The following DNAJC13 variants were observed in gnomAD, a reference collection of about 807,000 sequenced individuals.
DNAJC13 encodes the protein DnaJ heat shock protein family (Hsp40) member C13.
A neutral mutation model predicts 290.5 loss-of-function variants in DNAJC13; 75 were observed. That is an observed-to-expected ratio of 0.26 (90% CI 0.21 to 0.31). DNAJC13 has a LOEUF of 0.31. Ranked by LOEUF, DNAJC13 falls within the 10% of genes least tolerant of loss-of-function variation. The probability of loss-of-function intolerance (pLI) is 1.00; values close to 1 mark genes in which losing one functional copy is unlikely to be tolerated. For synonymous variants in DNAJC13, 862 were observed against 892.0 expected, an observed-to-expected ratio of 0.97 and a Z score of 0.60; for missense variants, 2,260 against 2,674.5, an observed-to-expected ratio of 0.85 and a Z score of 3.42.
chr3:132,470,999 C>A (rs113630949), intron 20 of DNAJC13, among the ~76,000 whole-genome samples: 37 of 129,142 alleles, frequency 2.9e-4, no homozygotes, highest in African/African-American at 9.2e-4. Context: ...CCGGACGGGG[C>A]GGCTGGCCGG....
chr3:132,480,516 A>T (rs1934632906), intron 26 of DNAJC13, 46 bp downstream of exon 26: 3 of 1,378,582 alleles, frequency 2.2e-6, no homozygotes, highest in Non-Finnish European at 3.1e-6. Flanking sequence ...TTCTTTGAGT[A>T]TAATTTTAGA....
Position 132,528,352 on chromosome 3 carries a change from A to G in DNAJC13, c.6525+20A>G, listed in dbSNP as rs766116542. On this transcript the variant is annotated intron_variant, in intron 54 of 55. Transcript: ENST00000260818. ...GAACAGGTGAGTCTGCATAGAGTCAACTTTTGATATTCTAAAAGCCAGGGT... is the reference window on the plus strand; with the variant it reads ...GAACAGGTGAGTCTGCATAGAGTCAGCTTTTGATATTCTAAAAGCCAGGGT... 1.9e-6 allele frequency: 3 copies of G among 1,612,214 alleles called. No homozygotes were observed. Among genetic ancestry groups the G allele is most frequent in the South Asian group, 1.1e-5 (1 of 90,852 alleles).
At chr3:132,478,232 CATT>C in intron 24 of DNAJC13, 92 bp downstream of exon 24, 1 of 1,090,016 alleles carries the variant, frequency 9.2e-7, no homozygotes, top group Non-Finnish European at 1.3e-6. Context: ...TGTTTGATCA[CATT>C]ATTACTGTAA....
chr3:132,514,901 A>T, intron 46 of DNAJC13: 2 of 149,226 alleles, frequency 1.3e-5, no homozygotes, highest in Non-Finnish European at 2.4e-5. Context: ...AAGGAAAATA[A>T]CCTGGGATTT....
intron 46 of DNAJC13, among the ~76,000 whole-genome samples, chr3:132,516,040 A>G (rs1056038258): frequency 6.6e-6 from 1 of 152,206 alleles, no homozygotes; most frequent in African/African-American, 2.4e-5. Context: ...TTCCCTCAAG[A>G]CAGTAGCACC....
chr3:132,451,992 C>T (rs1933430537), intron 6 of DNAJC13, among the ~76,000 whole-genome samples: 1 of 152,112 alleles, frequency 6.6e-6, no homozygotes, highest in South Asian at 2.1e-4. Flanking sequence ...AGATGAAGGC[C>T]CTTCTCCCAG....
Position 132,523,643 on chromosome 3 carries a change from G to T in DNAJC13, c.5990G>T (p.Arg1997Ile), listed in dbSNP as rs751262477. The stretch of plus-strand genomic sequence containing the variant: ...ATTGCACAACCAGCCTGGGTTCTAA[G>T]AAAGCCTAGAGAATTTCTTATTGCC... Reference protein sequence around the residue: ...IFIAQPAWVLRKPREFLIALL... With the variant: ...IFIAQPAWVLIKPREFLIALL... The change falls in exon 51 of 56, where the codon AGA (arginine) becomes ATA (isoleucine). Residue 1997 changes from arginine (R) to isoleucine (I), a missense_variant. Around this residue, in one of 3 missense-constraint regions of DNAJC13, gnomAD observed 1,494 missense variants for 1,693.7 expected, o/e 0.88. Coordinates refer to ENST00000260818, the MANE Select transcript of DNAJC13 (RefSeq NM_015268.4). 3.1e-6 allele frequency: 5 copies of T among 1,613,964 alleles called. No individual in the cohort carries two copies. In the African/African-American group the frequency reaches 5.3e-5, roughly 17 times the overall value.
chr3:132,460,431 G>T, intron 14 of DNAJC13, 74 bp downstream of exon 14: 6 of 1,056,484 alleles, frequency 5.7e-6, no homozygotes, highest in East Asian at 2.6e-5. Context: ...AGTGCCACGT[G>T]GATGATTTTT....
intron 23 of DNAJC13, 35 bp from the exon 24 acceptor site, chr3:132,477,946 T>C: frequency 1.9e-6 from 3 of 1,601,950 alleles, no homozygotes; most frequent in South Asian, 2.3e-5. Context: ...GTTTCATGGC[T>C]ATTTCTATTG....
chr3:132,450,561 G>A (rs963520771), intron 5 of DNAJC13, 86 bp from the exon 6 acceptor site: 11 of 930,716 alleles, frequency 1.2e-5, no homozygotes, highest in African/African-American at 5.0e-5. Flanking sequence ...ATTTTTGGTC[G>A]TTTCAATAGT....
chr3:132,461,577 GGTACATTTTGAGT>G (rs1430291524), intron 15 of DNAJC13, among the ~76,000 whole-genome samples: 1 of 152,138 alleles, frequency 6.6e-6, no homozygotes, highest in Non-Finnish European at 1.5e-5. Context: ...TTATCATATT[GGTACATTTTGAGT>G]GTACAGATTT....
At position 132,424,907 on chromosome 3, in the gene DNAJC13, T is replaced by A. The variant is rs376064355; in HGVS notation, c.-14+7147T>A. On this transcript the variant is annotated intron_variant, in intron 1 of 55. Coordinates refer to ENST00000260818, the MANE Select transcript of DNAJC13 (RefSeq NM_015268.4). ...TGCTTTTACCTGTACTTGAGTCATA[T>A]ATTAAAATGAAGCTAAAATTTAAAA... Among the ~76,000 whole-genome samples the A allele has an allele frequency of 5.9e-5, 9 of 152,268 alleles. No homozygotes were observed. The East Asian group carries it at 9.6e-4, about 16-fold the overall frequency.
chr3:132,455,372 T>G (rs1250193524), intron 9 of DNAJC13, among the ~76,000 whole-genome samples: 3 of 152,166 alleles, frequency 2.0e-5, no homozygotes, highest in African/African-American at 7.2e-5. Context: ...AGAAAAGAAC[T>G]CTCATACATT....
In DNAJC13 at chr3:132,507,247, A is replaced by G. The variant is rs761355544; in HGVS notation, c.5009A>G (p.Asp1670Gly). The G allele has an allele frequency of 5.6e-6, 9 of 1,608,322 alleles. No homozygotes were observed. The East Asian group carries it at 2.0e-4, about 36-fold the overall frequency. Residue 1670 changes from aspartate to glycine, a missense_variant, in exon 43 of 56, where the codon GAC becomes GGC. Asp to Gly is a moderately conservative substitution (Grantham distance 94). Around this residue, in one of 3 missense-constraint regions of DNAJC13, gnomAD observed 1,494 missense variants for 1,693.7 expected, o/e 0.88. Transcript: ENST00000260818. ...TCATCTTTTAAAAAGGGTGATTGTG[A>G]CAAAACTTATGGATCAGAATTTGTC... ...QENMIKKGDCDKTYGSEFVYS... is the reference protein window; with the variant it reads ...QENMIKKGDCGKTYGSEFVYS...
rs747402113 is a variant in DNAJC13 at position 132,456,697 on chromosome 3, A to G, written c.1214A>G (p.Asn405Ser). Residue 405 changes from asparagine (N) to serine (S), a missense_variant, in exon 12 of 56, where the codon AAT (asparagine) becomes AGT (serine). Asn to Ser is a conservative substitution (Grantham distance 46, BLOSUM62 1). This residue lies in a region of DNAJC13 where 762 missense variants were observed against 964.1 expected (regional missense o/e 0.79). Coordinates refer to ENST00000260818, the MANE Select transcript of DNAJC13 (RefSeq NM_015268.4). ...TCAGAAAACAAAGAAAAACTGATCAATAATGCCATAACAGCATTACTGTCC... is the reference window on the plus strand; with the variant it reads ...TCAGAAAACAAAGAAAAACTGATCAGTAATGCCATAACAGCATTACTGTCC... ...LFSENKEKLI[N>S]NAITALLSQE... 34 of 1,614,002 alleles carry G rather than the reference A, an allele frequency of 2.1e-5. No homozygotes were observed. The Admixed American group carries it at 2.2e-4, about 10-fold the overall frequency.
At chr3:132,523,327 T>C in intron 50 of DNAJC13, 128 bp downstream of exon 50, 1 of 1,257,968 alleles carries the variant, frequency 7.9e-7, no homozygotes, top group Non-Finnish European at 1.1e-6. Flanking sequence ...CCCTGGAAAA[T>C]AAGGCTTCAA....
In DNAJC13 at chr3:132,472,514, TTTA is replaced by T. The variant is rs1210708845; in HGVS notation, c.2209-628_2209-626del. On this transcript the variant is annotated intron_variant, in intron 20 of 55. Transcript: ENST00000260818. ...TTAGCAGATCTAGGCTCATTCTCTT[TTTA>T]TTTTCTTTAACTTTTTTTCCTTTTT... The T allele has an allele frequency of 3.1e-6, 3 of 967,958 alleles. No homozygotes were observed. The African/African-American group carries it at 5.3e-5, about 17-fold the overall frequency. 60.0% of individuals were successfully genotyped at this position (967,958 alleles called of 1,614,324 possible). A position where few individuals can be genotyped will look rare whatever the true frequency, so the allele number is the denominator to read the frequency against.
chr3:132,480,506 T>C (rs572814230), intron 26 of DNAJC13, 36 bp downstream of exon 26: 10 of 1,456,220 alleles, frequency 6.9e-6, no homozygotes, highest in African/African-American at 2.8e-5. Flanking sequence ...AAATTTAACG[T>C]TCTTTGAGTA....
At chr3:132,470,870 G>A (rs1351739677) in intron 20 of DNAJC13, among the ~76,000 whole-genome samples, 1 of 136,598 alleles carries the variant, frequency 7.3e-6, no homozygotes, top group Non-Finnish European at 1.6e-5. Flanking sequence ...TCCCGGACAG[G>A]GCGGCCGGCC....
Sources: allele counts gnomAD v4.1 joint callset (sites outside exome capture counted in the v4.1 genomes callset), GRCh38; gene constraint gnomAD v4.1.1; regional missense constraint gnomAD v4.1.1; transcripts MANE v1.5; gene names NCBI Gene and HGNC (gene_info 2026-07-23, HGNC 2026-07-21).